The following TRAPPC9 variants were observed in gnomAD, a reference collection of about 807,000 sequenced individuals.
The protein encoded by TRAPPC9 is IKK2 binding protein.
A neutral mutation model predicts 124.0 loss-of-function variants in TRAPPC9; 83 were observed. The ratio of observed to expected loss-of-function variants is 0.67; its 90% CI spans 0.56 to 0.80. The LOEUF is 0.80. Ranked by LOEUF, TRAPPC9 falls within the 30% of genes least tolerant of loss-of-function variation. The pLI, the probability that TRAPPC9 is intolerant of heterozygous loss-of-function variation, is 0.00. For missense variants in TRAPPC9, 1,302 were observed against 1,508.3 expected (o/e 0.86, Z 2.27); for synonymous variants, 638 against 617.5 (o/e 1.03, Z -0.49).
chr8:140,176,080 C>T (rs72687254), intron 17 of TRAPPC9, among the ~76,000 whole-genome samples: 22,109 of 152,122 alleles, frequency 0.15, 1,990 homozygotes, highest in Non-Finnish European at 0.2. Flanking sequence ...AAATACAGGG[C>T]CACTGAACAC....
intron 19 of TRAPPC9, among the ~76,000 whole-genome samples, chr8:139,922,766 C>A (rs1832590735): frequency 6.6e-6 from 1 of 152,188 alleles, no homozygotes; most frequent in South Asian, 2.1e-4. Flanking sequence ...CACACAGAGG[C>A]AGGCGAGAGG....
intron 17 of TRAPPC9, among the ~76,000 whole-genome samples, chr8:140,179,992 G>GTTTTTTT (rs2062159657): frequency 6.1e-5 from 3 of 49,118 alleles, no homozygotes; most frequent in Non-Finnish European, 1.3e-4. Flanking sequence ...GTTATATCTT[G>GTTTTTTT]ATTTTTTTTT....
At position 140,257,314 on chromosome 8, in the gene TRAPPC9, G is replaced by A. The variant is rs1362513638; in HGVS notation, c.2279-4385C>T. Among the ~76,000 whole-genome samples the A allele has an allele frequency of 1.3e-5, 2 of 152,220 alleles. No homozygotes were observed. Among genetic ancestry groups the A allele is most frequent in the South Asian group, 2.1e-4 (1 of 4,838 alleles). On this transcript the variant is annotated intron_variant, in intron 15 of 22. Coordinates refer to ENST00000438773, the MANE Select transcript of TRAPPC9 (RefSeq NM_001160372.4). The surrounding 1 kb of genome is among the most constrained non-coding windows in gnomAD (Gnocchi z 4.6). The stretch of plus-strand genomic sequence containing the variant: ...CCTCAGTCCTCTGGCAGCTCAGAAC[G>A]CAGTTGCTGCCTCTTCTCCACGCAG...
chr8:140,168,353 T>C (rs2061889300), intron 17 of TRAPPC9, among the ~76,000 whole-genome samples: 1 of 121,516 alleles, frequency 8.2e-6, no homozygotes, highest in South Asian at 3.6e-4. Flanking sequence ...CTCTATCCAG[T>C]TCTAAAACAT....
chr8:139,941,726 C>T (rs114261887), intron 19 of TRAPPC9, among the ~76,000 whole-genome samples: 352 of 152,306 alleles, frequency 2.3e-3, no homozygotes, highest in African/African-American at 8.2e-3. Context: ...CAAATGCAAG[C>T]ATTTCAGTGA....
intron 11 of TRAPPC9, 176 bp from the exon 12 acceptor site, chr8:140,291,254 A>C: frequency 1.5e-6 from 1 of 681,264 alleles, no homozygotes; most frequent in Non-Finnish European, 2.6e-6. Flanking sequence ...TCTGAAACAA[A>C]GCAAGGTAGC....
rs1171795977 is a variant in TRAPPC9 at position 139,756,688 on chromosome 8, G to A, written c.3056-24486C>T. Among the ~76,000 whole-genome samples the A allele has an allele frequency of 1.3e-4, 18 of 133,346 alleles. 1 individual carries two copies. Among genetic ancestry groups the A allele is most frequent in the African/African-American group, 4.7e-4 (16 of 34,096 alleles). 87.5% of individuals were successfully genotyped at this position (133,346 alleles called of 152,430 possible). ...GGATTGGGGATGAGGACAGTGTGTCGCAGGAGGAGCCAGGCTTTGGGGATG... is the reference window on the plus strand; with the variant it reads ...GGATTGGGGATGAGGACAGTGTGTCACAGGAGGAGCCAGGCTTTGGGGATG... On this transcript the variant is annotated intron_variant, in intron 21 of 22. Coordinates refer to ENST00000438773, the MANE Select transcript of TRAPPC9 (RefSeq NM_001160372.4).
chr8:140,015,296 C>G (rs1054300071), intron 18 of TRAPPC9, among the ~76,000 whole-genome samples: 14 of 152,156 alleles, frequency 9.2e-5, no homozygotes, highest in African/African-American at 3.4e-4. Flanking sequence ...CTCCGGGCCT[C>G]GTTTGTGATG....
intron 17 of TRAPPC9, among the ~76,000 whole-genome samples, chr8:140,133,928 C>T (rs140694927): frequency 3.6e-3 from 537 of 150,896 alleles, no homozygotes; most frequent in Middle Eastern, 6.8e-3. Flanking sequence ...AGACATCCCA[C>T]GTTCATGGAT....
At chr8:140,253,682 G>GA (rs767404945) in intron 15 of TRAPPC9, among the ~76,000 whole-genome samples, 58 of 149,058 alleles carry the variant, frequency 3.9e-4, no homozygotes, top group East Asian at 3.7e-3. Context: ...CATCTCAAAA[G>GA]AAAAAAAAAA....
chr8:139,897,879 C>A (rs1416633729), intron 20 of TRAPPC9, among the ~76,000 whole-genome samples: 4 of 152,250 alleles, frequency 2.6e-5, no homozygotes, highest in African/African-American at 4.8e-5. Flanking sequence ...GACACAGAGA[C>A]TTTTGGGTGC....
At chr8:140,179,009 G>A (rs1232118975) in intron 17 of TRAPPC9, among the ~76,000 whole-genome samples, 1 of 152,058 alleles carries the variant, frequency 6.6e-6, no homozygotes, top group Admixed American at 6.6e-5. Flanking sequence ...TGGTAAGTCT[G>A]GCTAGAGGTG....
At chr8:140,143,602 TA>T (rs1429453011) in intron 17 of TRAPPC9, among the ~76,000 whole-genome samples, 2 of 152,336 alleles carry the variant, frequency 1.3e-5, no homozygotes, top group African/African-American at 4.8e-5. Context: ...CTGCCAAGCT[TA>T]AGAAACTCTT....
chr8:140,407,965 T>C (rs1394166904), intron 5 of TRAPPC9, among the ~76,000 whole-genome samples: 4 of 152,202 alleles, frequency 2.6e-5, no homozygotes, highest in South Asian at 2.1e-4. Context: ...AAAATTTCTA[T>C]GTGGAGCAAC....
chr8:139,923,576 G>A (rs940732896), intron 19 of TRAPPC9, among the ~76,000 whole-genome samples: 6 of 145,558 alleles, frequency 4.1e-5, no homozygotes, highest in Non-Finnish European at 9.3e-5. Flanking sequence ...CCATCTGCTG[G>A]CCTCCTTCTC....
intron 4 of TRAPPC9, 83 bp downstream of exon 4, chr8:140,435,029 A>T (rs2070762952): frequency 6.2e-7 from 1 of 1,601,158 alleles, no homozygotes; most frequent in East Asian, 2.2e-5. Flanking sequence ...TATTAGTCCT[A>T]ACTCAAAGGA....
intron 15 of TRAPPC9, among the ~76,000 whole-genome samples, chr8:140,267,418 A>G (rs2064713860): frequency 6.6e-6 from 1 of 152,248 alleles, no homozygotes; most frequent in African/African-American, 2.4e-5. Context: ...TTTCACGCTC[A>G]CCACAACCCT....
chr8:139,782,866 T>G (rs1821931082), intron 21 of TRAPPC9, among the ~76,000 whole-genome samples: 1 of 152,136 alleles, frequency 6.6e-6, no homozygotes, highest in Admixed American at 6.5e-5. Context: ...AACAATGAAA[T>G]TAAATTAGCA....
At position 140,252,540 on chromosome 8, in the gene TRAPPC9, G is replaced by T. The variant is rs59105329; in HGVS notation, c.2431+237C>A. 7 of 498,924 alleles carry T rather than the reference G, an allele frequency of 1.4e-5. No homozygotes were observed. Among genetic ancestry groups the T allele is most frequent in the Non-Finnish European group, 2.2e-5 (6 of 278,276 alleles). The allele number at this position is 498,924 out of a possible 1,614,324, so 30.9% of individuals were successfully genotyped here. A position where few individuals can be genotyped will look rare whatever the true frequency, so the allele number is the denominator to read the frequency against. On this transcript the variant is annotated intron_variant, in intron 16 of 22. Coordinates refer to ENST00000438773, the MANE Select transcript of TRAPPC9 (RefSeq NM_001160372.4). The surrounding 1 kb of genome is among the most constrained non-coding windows in gnomAD (Gnocchi z 4.2). ...AATTTAGAATGACCTGCTGGTAAAT[G>T]AGTACAAAATAATAAAGAGTGAGAA...
Sources: allele counts gnomAD v4.1 joint callset (sites outside exome capture counted in the v4.1 genomes callset), GRCh38; gene constraint gnomAD v4.1.1; non-coding constraint Gnocchi (gnomAD v3.1); transcripts MANE v1.5; gene names NCBI Gene and HGNC (gene_info 2026-07-23, HGNC 2026-07-21).